CSMD3: variants seen among roughly 807,000 people sequenced by gnomAD.
CSMD3 encodes the protein CUB and Sushi multiple domains 3, also known as CUB and sushi domain-containing protein 3.
In CSMD3, 177 loss-of-function variants were observed where a neutral mutation model predicts 435.2. That is an observed-to-expected ratio of 0.41 (90% CI 0.36 to 0.46). CSMD3 has a LOEUF of 0.46. Among genes scored for constraint, CSMD3 ranks in the 20% least tolerant of loss-of-function variants. CSMD3 has a pLI of 0.34. For missense variants in CSMD3, 4,265 were observed against 4,504.6 expected, an observed-to-expected ratio of 0.95 and a Z score of 1.52; for synonymous variants, 1,656 against 1,520.5, an observed-to-expected ratio of 1.09 and a Z score of -2.07.
intron 32 of CSMD3, among the ~76,000 whole-genome samples, chr8:112,411,764 T>C (rs779249719): frequency 2.0e-5 from 3 of 152,084 alleles, no homozygotes; most frequent in Non-Finnish European, 4.4e-5. Context: ...ATTTATTTAG[T>C]TTTTTAAGGT....
chr8:112,622,294 G>T (rs935541561), intron 22 of CSMD3, among the ~76,000 whole-genome samples: 5 of 152,032 alleles, frequency 3.3e-5, no homozygotes, highest in African/African-American at 1.2e-4. Flanking sequence ...TGTTATGTAT[G>T]GGGTATTAGA....
chr8:112,800,319 A>G, intron 12 of CSMD3, 45 bp from the exon 13 acceptor site: 1 of 1,146,562 alleles, frequency 8.7e-7, no homozygotes, highest in Non-Finnish European at 1.3e-6. Flanking sequence ...TTATTAAAAC[A>G]TCCTCTGCAT....
chr8:112,457,678 A>G (rs1186211593), intron 32 of CSMD3, among the ~76,000 whole-genome samples: 1 of 152,044 alleles, frequency 6.6e-6, no homozygotes, highest in Non-Finnish European at 1.5e-5. Context: ...GGAACTGGGA[A>G]GAGGCTAAAA....
intron 38 of CSMD3, among the ~76,000 whole-genome samples, chr8:112,377,372 A>G (rs1231440393): frequency 1.3e-5 from 2 of 152,098 alleles, no homozygotes; most frequent in African/African-American, 4.8e-5. Flanking sequence ...TCCTCCCAAC[A>G]AAGAAAGGCA....
chr8:113,013,460 G>A (rs570218521), intron 6 of CSMD3, among the ~76,000 whole-genome samples: 9 of 152,078 alleles, frequency 5.9e-5, no homozygotes, highest in East Asian at 3.9e-4. Context: ...GAAATCTTTA[G>A]AGAACAAATG....
intron 19 of CSMD3, among the ~76,000 whole-genome samples, chr8:112,648,496 A>C (rs1371677167): frequency 6.6e-6 from 1 of 152,152 alleles, no homozygotes; most frequent in Non-Finnish European, 1.5e-5. Flanking sequence ...TGGATTTCTC[A>C]AGGTTAAGGA....
chr8:112,489,006 T>C (rs909084880), intron 31 of CSMD3, among the ~76,000 whole-genome samples: 2 of 152,114 alleles, frequency 1.3e-5, no homozygotes, highest in South Asian at 4.1e-4. Flanking sequence ...AGTTATCATA[T>C]GCATATCTCA....
At chr8:112,798,054 T>C (rs2078870270) in intron 13 of CSMD3, among the ~76,000 whole-genome samples, 1 of 151,898 alleles carries the variant, frequency 6.6e-6, no homozygotes, top group Non-Finnish European at 1.5e-5. Flanking sequence ...ATAATACATA[T>C]GATTCACGGT....
chr8:113,409,913 C>T (rs935539176), intron 1 of CSMD3, among the ~76,000 whole-genome samples: 1 of 151,268 alleles, frequency 6.6e-6, no homozygotes, highest in Non-Finnish European at 1.5e-5. Flanking sequence ...CTCTCTAGAC[C>T]TGGGTGGAGG....
chr8:113,402,847 A>G (rs926127801), intron 1 of CSMD3, among the ~76,000 whole-genome samples: 1 of 151,348 alleles, frequency 6.6e-6, no homozygotes, highest in Non-Finnish European at 1.5e-5. Context: ...GAAACAAAAT[A>G]ACAAGAGTAT....
intron 45 of CSMD3, among the ~76,000 whole-genome samples, chr8:112,334,137 G>T (rs1824350289): frequency 6.6e-6 from 1 of 152,134 alleles, no homozygotes; most frequent in Non-Finnish European, 1.5e-5. Flanking sequence ...GTTCATGGTG[G>T]TATGGCCATA....
intron 1 of CSMD3, among the ~76,000 whole-genome samples, chr8:113,375,252 TAC>T (rs1393341210): frequency 6.6e-6 from 1 of 152,092 alleles, no homozygotes; most frequent in Non-Finnish European, 1.5e-5. Flanking sequence ...GCTCACAAAA[TAC>T]AGAGTTGTTA....
At chr8:112,800,729 C>T (rs903110244) in intron 12 of CSMD3, among the ~76,000 whole-genome samples, 1 of 151,978 alleles carries the variant, frequency 6.6e-6, no homozygotes, top group Admixed American at 6.6e-5. Flanking sequence ...CTTTGCAATA[C>T]TGATGTCGAA....
chr8:112,670,636 G>C (rs1219691614), intron 16 of CSMD3, among the ~76,000 whole-genome samples: 1 of 152,166 alleles, frequency 6.6e-6, no homozygotes, highest in Non-Finnish European at 1.5e-5. Flanking sequence ...TGAGTCAGAG[G>C]AAGGAGTCTA....
intron 32 of CSMD3, among the ~76,000 whole-genome samples, chr8:112,458,527 T>C (rs1250984269): frequency 6.6e-6 from 1 of 152,114 alleles, no homozygotes; most frequent in East Asian, 1.9e-4. Context: ...TCCTTAAATG[T>C]CAATAAGCTT....
At chr8:112,481,914 C>A (rs2130800919) in intron 31 of CSMD3, among the ~76,000 whole-genome samples, 1 of 152,164 alleles carries the variant, frequency 6.6e-6, no homozygotes, top group Admixed American at 6.6e-5. Context: ...ACACATAATT[C>A]ATTTTGTTTA....
chr8:112,662,487 T>C (rs551398249), intron 17 of CSMD3, among the ~76,000 whole-genome samples: 25 of 152,058 alleles, frequency 1.6e-4, no homozygotes, highest in African/African-American at 5.3e-4. Flanking sequence ...AAGCTGAAAC[T>C]GGATCCCTTC....
intron 13 of CSMD3, among the ~76,000 whole-genome samples, chr8:112,753,201 G>T (rs898764416): frequency 5.9e-5 from 9 of 152,054 alleles, no homozygotes; most frequent in Non-Finnish European, 1.0e-4. Context: ...AGCAGAAATA[G>T]TATATGAGTT....
intron 65 of CSMD3, 129 bp downstream of exon 65, chr8:112,244,265 T>G: frequency 1.3e-6 from 1 of 741,976 alleles, no homozygotes; most frequent in Non-Finnish European, 2.4e-6. Context: ...TTTACATTAC[T>G]CCTAGACTTG....
Sources: allele counts gnomAD v4.1 joint callset (sites outside exome capture counted in the v4.1 genomes callset), GRCh38; gene constraint gnomAD v4.1.1; transcripts MANE v1.5; gene names NCBI Gene and HGNC (gene_info 2026-07-23, HGNC 2026-07-21).